ANO1: variants seen among roughly 807,000 people sequenced by gnomAD.
The protein encoded by ANO1 is anoctamin 1.
In ANO1, 59 loss-of-function variants were observed where a neutral mutation model predicts 124.0. That is an observed-to-expected ratio of 0.48 (90% CI 0.39 to 0.59). The LOEUF (loss-of-function observed/expected upper bound fraction) is 0.59, where lower values mean the gene tolerates loss of function less well. Among genes scored for constraint, ANO1 ranks in the 20% least tolerant of loss-of-function variants. The probability of loss-of-function intolerance (pLI) is 0.00; values close to 1 mark genes in which losing one functional copy is unlikely to be tolerated. For synonymous variants in ANO1, 529 were observed against 532.0 expected (o/e 0.99, Z 0.08); for missense variants, 1,059 against 1,328.0 (o/e 0.80, Z 3.15).
chr11:70,093,103 CTCTG>C (rs1251713130), intron 2 of ANO1, among the ~76,000 whole-genome samples: 2 of 80,722 alleles, frequency 2.5e-5, no homozygotes, highest in Admixed American at 1.0e-4. Flanking sequence ...GTCTCTCTCC[CTCTG>C]TCTCTCTGTC....
chr11:70,036,361 A>C (rs782747371), intron 1 of ANO1, among the ~76,000 whole-genome samples: 6 of 152,290 alleles, frequency 3.9e-5, no homozygotes, highest in Non-Finnish European at 7.3e-5. Context: ...TGGATAATCC[A>C]GGGTGATCTC....
At chr11:69,976,595 G>C in the ANO1 span, among the ~76,000 whole-genome samples, 1 of 145,272 alleles carries the variant, frequency 6.9e-6, no homozygotes, top group East Asian at 2.1e-4. Flanking sequence ...CAGAGGAATA[G>C]AGGAATGATC....
chr11:70,094,544 T>C (rs2515248), intron 2 of ANO1, among the ~76,000 whole-genome samples: 108,780 of 152,068 alleles, frequency 0.72, 39,984 homozygotes, highest in Admixed American at 0.81. Context: ...AGTTCCCCAC[T>C]CCGTGTGGGC....
At chr11:70,085,248 G>A (rs1259768348) in intron 1 of ANO1, among the ~76,000 whole-genome samples, 2 of 152,140 alleles carry the variant, frequency 1.3e-5, no homozygotes, top group East Asian at 1.9e-4. Flanking sequence ...GGGGTCTTCC[G>A]TGAACCCCGT....
At chr11:70,186,395 G>GAAGGAAGGAAGGAAGAAAGA (rs1251399539) in intron 25 of ANO1, among the ~76,000 whole-genome samples, 160 of 146,078 alleles carry the variant, frequency 1.1e-3, no homozygotes, top group African/African-American at 3.8e-3. Flanking sequence ...AGGAAGGAAG[G>GAAGGAAGGAAGGAAGAAAGA]AAGAAAGACA....
intron 22 of ANO1, among the ~76,000 whole-genome samples, chr11:70,177,757 A>G (rs10160787): frequency 0.99 from 150,669 of 151,910 alleles, 74,726 homozygotes; most frequent in East Asian, 1. Flanking sequence ...CCGCCACCAC[A>G]CTCGGCTAAT....
At chr11:70,108,663 G>A (rs1340933245) in intron 6 of ANO1, among the ~76,000 whole-genome samples, 6 of 152,134 alleles carry the variant, frequency 3.9e-5, no homozygotes, top group African/African-American at 7.2e-5. Flanking sequence ...CTCCCTGCAC[G>A]GGTGGTAAAT....
chr11:70,019,152 G>T (rs1184545796), intron 1 of ANO1, among the ~76,000 whole-genome samples: 1 of 152,034 alleles, frequency 6.6e-6, no homozygotes, highest in Non-Finnish European at 1.5e-5. Context: ...CCAGACCTAA[G>T]CAGGCCTCTG....
chr11:70,075,508 C>G (rs1555009914), upstream of ANO1: 1 of 151,978 alleles, frequency 6.6e-6, no homozygotes, highest in Non-Finnish European at 1.5e-5. Context: ...GTACCTGTAT[C>G]TGTTGGCACA....
intron 1 of ANO1, among the ~76,000 whole-genome samples, chr11:69,986,726 C>T (rs191382769): frequency 1.9e-3 from 290 of 152,238 alleles, no homozygotes; most frequent in African/African-American, 6.5e-3. Flanking sequence ...TGACTTCCTC[C>T]CCCCTGGCTG....
At chr11:69,998,505 C>T (rs1187172281) in intron 1 of ANO1, among the ~76,000 whole-genome samples, 1 of 152,196 alleles carries the variant, frequency 6.6e-6, no homozygotes, top group African/African-American at 2.4e-5. Flanking sequence ...ATCCATTCTT[C>T]TAGGAAGATC....
At chr11:70,074,164 A>G (rs577860245), upstream of ANO1, among the ~76,000 whole-genome samples, 6 of 152,152 alleles carry the variant, frequency 3.9e-5, no homozygotes, top group South Asian at 8.3e-4. Flanking sequence ...TGGGAGTGGG[A>G]CGGGTGGCCA....
intron 1 of ANO1, among the ~76,000 whole-genome samples, chr11:70,009,014 C>T (rs184005175): frequency 1.3e-5 from 2 of 152,346 alleles, no homozygotes; most frequent in Admixed American, 6.5e-5. Flanking sequence ...AGACTAAGGC[C>T]TGTTCCACAT....
At chr11:70,020,976 G>A (rs1555002578) in intron 1 of ANO1, 1 of 152,240 alleles carries the variant, frequency 6.6e-6, no homozygotes, top group Non-Finnish European at 1.5e-5. Flanking sequence ...GTGCTTCGCT[G>A]CGGGCGTCGG....
At chr11:70,151,997 T>G (rs1197922890) in intron 12 of ANO1, among the ~76,000 whole-genome samples, 1 of 152,152 alleles carries the variant, frequency 6.6e-6, no homozygotes, top group Non-Finnish European at 1.5e-5. Context: ...CACCCACCCA[T>G]CCCGGCTCAC....
At chr11:70,111,132 G>T (rs1200183917) in intron 6 of ANO1, 3 of 456,700 alleles carry the variant, frequency 6.6e-6, no homozygotes, top group African/African-American at 2.0e-5. Flanking sequence ...ACAGGGCAAG[G>T]CGAGGGAAGA....
intron 1 of ANO1, among the ~76,000 whole-genome samples, chr11:70,045,485 C>T (rs549133583): frequency 3.9e-5 from 6 of 152,246 alleles, no homozygotes; most frequent in African/African-American, 1.4e-4. Flanking sequence ...ATCTTCCACT[C>T]GGCCCTAAAA....
rs11237584 is a variant in ANO1, at chr11:70,040,742, G to A, written c.59-37800G>A. ...AGAGCCCGGTCGAAGGACACTGACT[G>A]CTGCAGCACGATCTGTGAAGACAGG... On this transcript the variant is annotated intron_variant, in intron 1 of 27. Transcript: ENST00000531349. Among the ~76,000 whole-genome samples, 2,156 of 152,302 alleles carry A rather than the reference G, an allele frequency of 0.014. 106 individuals carry two copies. The East Asian group carries it at 0.16, about 11-fold the overall frequency.
chr11:70,186,046 G>A (rs1257195371), intron 25 of ANO1, among the ~76,000 whole-genome samples: 1 of 152,132 alleles, frequency 6.6e-6, no homozygotes, highest in Non-Finnish European at 1.5e-5. Context: ...AGCACTTTGG[G>A]AGACCGAGGC....
Sources: allele counts gnomAD v4.1 joint callset (sites outside exome capture counted in the v4.1 genomes callset), GRCh38; gene constraint gnomAD v4.1.1; transcripts MANE v1.5; gene names NCBI Gene and HGNC (gene_info 2026-07-23, HGNC 2026-07-21).